The following NCAM2 variants were observed in gnomAD, a reference collection of about 807,000 sequenced individuals.
NCAM2 encodes N-CAM-2.
Under a neutral mutation model 98.1 loss-of-function variants are expected in NCAM2, and 30 were observed. The observed-to-expected ratio is 0.31, with a 90% CI of 0.23 to 0.41. The LOEUF (loss-of-function observed/expected upper bound fraction) is 0.41. NCAM2 is among the 10% of genes least tolerant of loss of function. The pLI is 1.00. For synonymous variants in NCAM2, 368 were observed against 342.4 expected, an observed-to-expected ratio of 1.07 and a Z score of -0.83; for missense variants, 867 against 1,005.8, an observed-to-expected ratio of 0.86 and a Z score of 1.87.
chr21:21,093,470 C>T (rs2066055461), intron 1 of NCAM2, among the ~76,000 whole-genome samples: 1 of 152,052 alleles, frequency 6.6e-6, no homozygotes, highest in Non-Finnish European at 1.5e-5. Flanking sequence ...TTATCCTTGA[C>T]ATCACCTACT....
rs2074948083 is a variant in NCAM2, at chr21:21,338,769, T to C, written c.1044+235T>C. The stretch of plus-strand genomic sequence containing the variant: ...TATTAAGTCACAAACGTTTAGGCTA[T>C]TGGTATTACTAGCATTGCTTAACTA... On this transcript the variant is annotated intron_variant, in intron 8 of 17. Transcript: ENST00000400546. Among the ~76,000 whole-genome samples the C allele has an allele frequency of 2.0e-5, 3 of 152,252 alleles. No individual in the cohort carries two copies. In the South Asian group the frequency reaches 6.2e-4, roughly 32 times the overall value.
chr21:21,536,335 C>T (rs1467646426), intron 17 of NCAM2, among the ~76,000 whole-genome samples: 1 of 151,760 alleles, frequency 6.6e-6, no homozygotes, highest in Non-Finnish European at 1.5e-5. Flanking sequence ...GTAACTTTCA[C>T]TCCATTATAA....
chr21:21,260,767 G>C (rs898964834), intron 1 of NCAM2, among the ~76,000 whole-genome samples: 1 of 152,048 alleles, frequency 6.6e-6, no homozygotes, highest in Non-Finnish European at 1.5e-5. Context: ...TAAGTACAGA[G>C]TTCACAGATC....
At chr21:21,397,972 T>G (rs904308835) in intron 9 of NCAM2, among the ~76,000 whole-genome samples, 2 of 152,264 alleles carry the variant, frequency 1.3e-5, no homozygotes, top group African/African-American at 4.8e-5. Flanking sequence ...TGCACATGCA[T>G]GTTTATAGCA....
chr21:21,537,517 G>A (rs903703827), intron 17 of NCAM2, among the ~76,000 whole-genome samples: 3 of 152,018 alleles, frequency 2.0e-5, no homozygotes, highest in African/African-American at 4.8e-5. Context: ...CCAAATCTAA[G>A]CCACCCTATA....
intron 1 of NCAM2, among the ~76,000 whole-genome samples, chr21:21,013,981 C>CT (rs1239759735): frequency 2.6e-5 from 4 of 152,120 alleles, no homozygotes; most frequent in Non-Finnish European, 5.9e-5. Flanking sequence ...AAGAAACAGC[C>CT]TTCTATTGTC....
At chr21:21,429,282 A>G (rs1054815583) in intron 11 of NCAM2, among the ~76,000 whole-genome samples, 1 of 152,212 alleles carries the variant, frequency 6.6e-6, no homozygotes, top group African/African-American at 2.4e-5. Flanking sequence ...CAGGTGCACC[A>G]TGTCAGGGTG....
chr21:21,486,266 T>C (rs1012110588), intron 15 of NCAM2, among the ~76,000 whole-genome samples: 17 of 121,868 alleles, frequency 1.4e-4, no homozygotes, highest in Admixed American at 1.3e-3. Context: ...ATCGCGCCAC[T>C]GCACTCCAGC....
At chr21:21,370,489 T>C (rs2075891037) in intron 8 of NCAM2, among the ~76,000 whole-genome samples, 1 of 151,862 alleles carries the variant, frequency 6.6e-6, no homozygotes, top group South Asian at 2.1e-4. Context: ...AAAACAAAAA[T>C]TAGAAAAATC....
chr21:21,324,550 T>C lies in NCAM2; in HGVS notation c.737+50T>C, dbSNP rs774957969. 1.8e-5 allele frequency: 21 copies of C among 1,154,018 alleles called. No individual in the cohort carries two copies. In the South Asian group the frequency reaches 2.7e-4, roughly 15 times the overall value. The allele number at this position is 1,154,018 out of a possible 1,614,324, so 71.5% of individuals were successfully genotyped here. On this transcript the variant is annotated intron_variant, in intron 6 of 17. Transcript: ENST00000400546. ...TGGCTTGTGTCCATTATCAGGCTTA[T>C]GGAACAGTATTGGGGATCTTAATCA...
intron 8 of NCAM2, among the ~76,000 whole-genome samples, chr21:21,340,204 C>A (rs2074986572): frequency 6.6e-6 from 1 of 151,718 alleles, no homozygotes; most frequent in East Asian, 1.9e-4. Context: ...CTTTATCATA[C>A]CTTCATATTT....
chr21:21,350,249 A>T lies in NCAM2; in HGVS notation c.1044+11715A>T, dbSNP rs149740533. 4.2e-4 allele frequency among the ~76,000 whole-genome samples: 64 copies of T among 152,274 alleles called. No homozygotes were observed. The East Asian group carries it at 7.7e-3, about 18-fold the overall frequency. ...ATTAAAAATTAAAAAAAATCTAGAAACTTAACACTATTCTCACTGTAAAAT... is the reference window on the plus strand; with the variant it reads ...ATTAAAAATTAAAAAAAATCTAGAATCTTAACACTATTCTCACTGTAAAAT... On this transcript the variant is annotated intron_variant, in intron 8 of 17. Coordinates refer to ENST00000400546, the MANE Select transcript of NCAM2 (RefSeq NM_004540.5).
chr21:21,134,982 C>T (rs1569060763), intron 1 of NCAM2, among the ~76,000 whole-genome samples: 1 of 151,424 alleles, frequency 6.6e-6, no homozygotes, highest in Non-Finnish European at 1.5e-5. Flanking sequence ...CGCCTGTAAT[C>T]CCAGCACTTT....
intron 1 of NCAM2, among the ~76,000 whole-genome samples, chr21:21,119,701 A>C (rs1020271375): frequency 6.6e-6 from 1 of 152,086 alleles, no homozygotes; most frequent in Non-Finnish European, 1.5e-5. Context: ...TTTTCCTTTG[A>C]TAATATTATC....
chr21:21,215,875 C>T (rs1447580210), intron 1 of NCAM2, among the ~76,000 whole-genome samples: 4 of 152,064 alleles, frequency 2.6e-5, no homozygotes, highest in Non-Finnish European at 5.9e-5. Context: ...AGCTCCTTTT[C>T]CTGCCTTTTT....
At position 21,149,659 on chromosome 21, in the gene NCAM2, G is replaced by A. The variant is rs374809512; in HGVS notation, c.56-130919G>A. 5.3e-5 allele frequency among the ~76,000 whole-genome samples: 8 copies of A among 151,822 alleles called. No homozygotes were observed. In the East Asian group the frequency reaches 1.5e-3, roughly 29 times the overall value. On this transcript the variant is annotated intron_variant, in intron 1 of 17. Transcript: ENST00000400546. ...TCAACTCCCACTTATCAGTGAGCAC[G>A]TGTGGTGTTTGGTTTTGTTCCTGTG...
At chr21:21,116,176 G>A (rs1473878078) in intron 1 of NCAM2, among the ~76,000 whole-genome samples, 2 of 152,058 alleles carry the variant, frequency 1.3e-5, no homozygotes, top group Non-Finnish European at 2.9e-5. Context: ...TTATTTTTAA[G>A]ATGCTCCCAG....
At chr21:21,101,692 G>C (rs757582720) in intron 1 of NCAM2, among the ~76,000 whole-genome samples, 10 of 151,970 alleles carry the variant, frequency 6.6e-5, no homozygotes, top group Non-Finnish European at 1.3e-4. Context: ...TCTCAAAAAG[G>C]TCACAGTCAT....
chr21:21,190,612 T>C (rs745756580), intron 1 of NCAM2, among the ~76,000 whole-genome samples: 8 of 152,194 alleles, frequency 5.3e-5, no homozygotes, highest in Non-Finnish European at 1.0e-4. Flanking sequence ...TCTTCCCAGT[T>C]CTCTTCCACT....
Sources: allele counts gnomAD v4.1 joint callset (sites outside exome capture counted in the v4.1 genomes callset), GRCh38; gene constraint gnomAD v4.1.1; transcripts MANE v1.5; gene names NCBI Gene and HGNC (gene_info 2026-07-23, HGNC 2026-07-21).